Variants in SECISBP2L observed in about 807,000 individuals in gnomAD.
SECISBP2L encodes the protein SECIS binding protein 2 like.
Under a neutral mutation model 114.7 loss-of-function variants are expected in SECISBP2L, and 43 were observed. That is an observed-to-expected ratio of 0.38 (90% CI 0.29 to 0.48). The LOEUF is 0.48. Ranked by LOEUF, SECISBP2L falls within the 20% of genes least tolerant of loss-of-function variation. The probability of loss-of-function intolerance (pLI) is 0.98; values close to 1 mark genes in which losing one functional copy is unlikely to be tolerated. For missense variants in SECISBP2L, 1,136 were observed against 1,301.1 expected (o/e 0.87, Z 1.95); for synonymous variants, 451 against 439.7 (o/e 1.03, Z -0.32).
chr15:49,031,947 A>G (rs377681050), intron 4 of SECISBP2L, among the ~76,000 whole-genome samples: 3 of 152,322 alleles, frequency 2.0e-5, no homozygotes, highest in African/African-American at 7.2e-5. Context: ...TCTTTTCCAT[A>G]GCCACTCCAA....
intron 1 of SECISBP2L, among the ~76,000 whole-genome samples, chr15:49,045,105 T>C (rs1372053825): frequency 6.6e-6 from 1 of 152,192 alleles, no homozygotes; most frequent in Admixed American, 6.5e-5. Flanking sequence ...TCTGTATCAA[T>C]TTCTCTTTGG....
At position 49,000,928 on chromosome 15, in the gene SECISBP2L, T is replaced by C. The variant is rs747282025; in HGVS notation, c.2197A>G (p.Lys733Glu). 1.2e-6 allele frequency: 2 copies of C among 1,613,810 alleles called. No individual in the cohort carries two copies. Among genetic ancestry groups the C allele is most frequent in the Non-Finnish European group, 1.7e-6 (2 of 1,179,848 alleles). The change falls in exon 15 of 18, where the codon AAG (lysine) becomes GAG (glutamate). Residue 733 changes from lysine to glutamate, a missense_variant. Lys to Glu is a moderately conservative substitution (Grantham distance 56). This residue lies in a region of SECISBP2L where 684 missense variants were observed against 848.7 expected (regional missense o/e 0.81). Coordinates refer to ENST00000559471, the MANE Select transcript of SECISBP2L (RefSeq NM_001193489.2). ...REVTKHMKLN[K>E]IKCVIISPNC... ...GGAGAAATTATAACACACTTGATCT[T>C]GTTTAACTTCATATGTTTGGTAACT...
chr15:49,034,816 AACAT>A (rs1294645850), intron 3 of SECISBP2L, among the ~76,000 whole-genome samples: 5 of 152,078 alleles, frequency 3.3e-5, no homozygotes, highest in Non-Finnish European at 1.5e-5. Context: ...GGCATGCACT[AACAT>A]ACCCAGCTAA....
chr15:49,040,874 C>A (rs955897068), intron 1 of SECISBP2L, among the ~76,000 whole-genome samples: 1 of 151,774 alleles, frequency 6.6e-6, no homozygotes, highest in Non-Finnish European at 1.5e-5. Flanking sequence ...CATAATAAAG[C>A]CCATAACATT....
chr15:48,995,068 G>C (rs1465343701), intron 17 of SECISBP2L, among the ~76,000 whole-genome samples: 1 of 151,876 alleles, frequency 6.6e-6, no homozygotes, highest in Admixed American at 6.6e-5. Flanking sequence ...TGAACACTTT[G>C]AATCTGGTGC....
At chr15:49,041,174 G>T (rs1194438458) in intron 1 of SECISBP2L, among the ~76,000 whole-genome samples, 1 of 152,102 alleles carries the variant, frequency 6.6e-6, no homozygotes, top group Admixed American at 6.5e-5. Context: ...TGTATTATTT[G>T]CTTCACAAAA....
intron 1 of SECISBP2L, among the ~76,000 whole-genome samples, chr15:49,040,584 G>A (rs1394952601): frequency 2.2e-5 from 3 of 138,556 alleles, no homozygotes; most frequent in Non-Finnish European, 4.6e-5. Flanking sequence ...GGCCCAGGCG[G>A]GAGTGCAGTG....
chr15:49,027,021 C>T (rs1902757421), intron 7 of SECISBP2L, among the ~76,000 whole-genome samples: 1 of 152,162 alleles, frequency 6.6e-6, no homozygotes, highest in African/African-American at 2.4e-5. Context: ...AGGCTACAAT[C>T]CTTAAGATCA....
At chr15:49,020,135 G>A (rs746387264) in intron 7 of SECISBP2L, among the ~76,000 whole-genome samples, 9 of 152,164 alleles carry the variant, frequency 5.9e-5, no homozygotes, top group Non-Finnish European at 1.0e-4. Context: ...TGACTGTATC[G>A]AGGCCAATAT....
rs760961002 is a variant in SECISBP2L, at chr15:49,027,418, T to A, written c.982A>T (p.Asn328Tyr). 8.1e-6 allele frequency: 13 copies of A among 1,610,886 alleles called. No individual in the cohort carries two copies. In the Admixed American group the frequency reaches 1.2e-4, roughly 14 times the overall value. The change falls in exon 7 of 18, where the codon AAT (asparagine) becomes TAT (tyrosine). Residue 328 changes from asparagine (N) to tyrosine (Y), a missense_variant. Asn to Tyr is a moderately radical substitution (Grantham distance 143). This residue lies in a region of SECISBP2L where 452 missense variants were observed against 452.3 expected (regional missense o/e 1.00). Coordinates refer to ENST00000559471, the MANE Select transcript of SECISBP2L (RefSeq NM_001193489.2). ...ATQKKPWMEK[N>Y]QTFSRGGRQT... is the part of the protein sequence containing the mutation. Reference sequence around the variant, plus strand: ...CTTCCACCTCTAGAAAATGTCTGATTTTTTTCCATCCAAGGTTTTTTCTGA... The same window carrying A: ...CTTCCACCTCTAGAAAATGTCTGATATTTTTCCATCCAAGGTTTTTTCTGA...
At position 49,017,608 on chromosome 15, in the gene SECISBP2L, T is replaced by G. The variant is rs1902562622; in HGVS notation, c.1191A>C (p.Glu397Asp). ...LYFEDEDGFQ[E>D]LNENGNAKDE... Reference sequence around the variant, plus strand: ...CCTTAGCATTTCCATTCTCATTTAGTTCTTGAAACCCATCTTCATCCTGAA... The same window carrying G: ...CCTTAGCATTTCCATTCTCATTTAGGTCTTGAAACCCATCTTCATCCTGAA... The change falls in exon 9 of 18, where the codon GAA (glutamate) becomes GAC (aspartate). Residue 397 changes from glutamate to aspartate, a missense_variant. Physicochemically the swap from Glu to Asp is conservative, Grantham distance 45 (BLOSUM62 2). Around this residue, in one of 2 missense-constraint regions of SECISBP2L, gnomAD observed 684 missense variants for 848.7 expected, o/e 0.81. Coordinates refer to ENST00000559471, the MANE Select transcript of SECISBP2L (RefSeq NM_001193489.2). 6.2e-7 allele frequency: 1 copy of G among 1,608,870 alleles called. No homozygotes were observed. Among genetic ancestry groups the G allele is most frequent in the African/African-American group, 1.3e-5 (1 of 74,684 alleles).
At chr15:49,025,158 T>C (rs1362630614) in intron 7 of SECISBP2L, among the ~76,000 whole-genome samples, 6 of 152,230 alleles carry the variant, frequency 3.9e-5, no homozygotes, top group Non-Finnish European at 8.8e-5. Context: ...TTGTTTTTAA[T>C]CAAATGAAGT....
intron 10 of SECISBP2L, 59 bp from the exon 11 acceptor site, chr15:49,016,760 A>T (rs1000998565): frequency 5.2e-6 from 8 of 1,525,402 alleles, no homozygotes; most frequent in Non-Finnish European, 6.2e-6. Context: ...GTGGCATTTT[A>T]AGATGACTAC....
Position 48,992,496 on chromosome 15 carries a change from C to A in SECISBP2L, c.3054G>T (p.Glu1018Asp). The change falls in exon 18 of 18, where the codon GAG (glutamate) becomes GAT (aspartate). Residue 1018 changes from glutamate to aspartate, a missense_variant. Coordinates refer to ENST00000559471, the MANE Select transcript of SECISBP2L (RefSeq NM_001193489.2). ...TTCTCTGGGTCTCTGAGACCCAAGA[C>A]TCAATTCTACTATTGAGCTGCACTT... ...SVEVQLNSRI[E>D]SWVSETQRTM... 6.2e-7 allele frequency: 1 copy of A among 1,614,212 alleles called. No individual in the cohort carries two copies. Among genetic ancestry groups the A allele is most frequent in the Non-Finnish European group, 8.5e-7 (1 of 1,180,042 alleles).
chr15:49,017,466 A>G (rs148625151), intron 9 of SECISBP2L, 82 bp downstream of exon 9: 2 of 891,526 alleles, frequency 2.2e-6, no homozygotes, highest in Non-Finnish European at 1.8e-6. Flanking sequence ...GTGCCTTTAC[A>G]CTTATCTTTA....
In SECISBP2L at chr15:49,012,698, CT is replaced by C. The variant is rs1175119208; in HGVS notation, c.1680del (p.Gly561GlufsTer9). The C allele has an allele frequency of 6.2e-7, 1 of 1,613,398 alleles. No homozygotes were observed. Among genetic ancestry groups the C allele is most frequent in the South Asian group, 1.1e-5 (1 of 91,024 alleles). On this transcript the variant is annotated frameshift_variant, in exon 12 of 18. Transcript: ENST00000559471. LOFTEE classifies it high-confidence loss of function. ...AGTTTTGCAATTTCCTTCTCTTTTCCTTTTTTTGCTTTAGAAGAAGCAATGT... is the reference window on the plus strand; with the variant it reads ...AGTTTTGCAATTTCCTTCTCTTTTCCTTTTTTGCTTTAGAAGAAGCAATGT... ...SVDIASSKAK[K>X]GKEKEIAKLK...
At chr15:49,009,039 C>A (rs954091151) in intron 14 of SECISBP2L, among the ~76,000 whole-genome samples, 177 bp downstream of exon 14, 2 of 152,268 alleles carry the variant, frequency 1.3e-5, no homozygotes, top group South Asian at 2.1e-4. Flanking sequence ...ATACTAACAG[C>A]TGACAGAAGG....
intron 1 of SECISBP2L, among the ~76,000 whole-genome samples, chr15:49,044,692 GTGGACTTTGGA>G (rs1903207540): frequency 1.3e-5 from 2 of 152,096 alleles, no homozygotes; most frequent in Admixed American, 1.3e-4. Context: ...TTAATAGGTC[GTGGACTTTGGA>G]AAGATGTGGA....
chr15:49,038,788 G>A (rs1051781714), intron 1 of SECISBP2L, among the ~76,000 whole-genome samples: 2 of 152,074 alleles, frequency 1.3e-5, no homozygotes, highest in Admixed American at 6.6e-5. Flanking sequence ...TATGAAACAT[G>A]TTTTAATGAA....
Sources: allele counts gnomAD v4.1 joint callset (sites outside exome capture counted in the v4.1 genomes callset), GRCh38; gene constraint gnomAD v4.1.1; regional missense constraint gnomAD v4.1.1; transcripts MANE v1.5; gene names NCBI Gene and HGNC (gene_info 2026-07-23, HGNC 2026-07-21).